SPIDR: variants seen among roughly 807,000 people sequenced by gnomAD.
SPIDR encodes scaffold protein involved in DNA repair.
Under a neutral mutation model 104.6 loss-of-function variants are expected in SPIDR, and 93 were observed. The observed-to-expected ratio is 0.89, with a 90% confidence interval of 0.75 to 1.06. The LOEUF (loss-of-function observed/expected upper bound fraction) is 1.06. SPIDR is among the 50% of genes least tolerant of loss of function. SPIDR has a pLI of 0.00. For missense variants in SPIDR, 1,154 were observed against 1,111.2 expected (o/e 1.04, Z -0.55); for synonymous variants, 431 against 416.9 (o/e 1.03, Z -0.41).
Position 47,712,645 on chromosome 8 carries a change from G to T in SPIDR, c.1978-17G>T, listed in dbSNP as rs767208391. 4 of 1,608,324 alleles carry T rather than the reference G, an allele frequency of 2.5e-6. No homozygotes were observed. Among genetic ancestry groups the T allele is most frequent in the South Asian group, 1.1e-5 (1 of 90,558 alleles). On this transcript the variant is annotated splice_polypyrimidine_tract_variant and intron_variant, in intron 14 of 19. Transcript: ENST00000297423. Reference sequence around the variant, plus strand: ...TTTGGTATAATAATTAATCTTTATTGTGTCTTCAAATTGTAGCTGAAGAGT... The same window carrying T: ...TTTGGTATAATAATTAATCTTTATTTTGTCTTCAAATTGTAGCTGAAGAGT...
At chr8:47,649,725 A>G (rs1027854322) in intron 10 of SPIDR, among the ~76,000 whole-genome samples, 2 of 152,198 alleles carry the variant, frequency 1.3e-5, no homozygotes, top group Non-Finnish European at 2.9e-5. Flanking sequence ...AATTCAGGGG[A>G]AAAAAACATG....
At chr8:47,459,187 ATCTT>A in intron 8 of SPIDR, among the ~76,000 whole-genome samples, 3 of 152,042 alleles carry the variant, frequency 2.0e-5, no homozygotes, top group African/African-American at 4.8e-5. Flanking sequence ...CTCTTTCTCT[ATCTT>A]GTGTAATAGT....
intron 7 of SPIDR, among the ~76,000 whole-genome samples, chr8:47,424,380 C>T (rs1260573175): frequency 6.6e-6 from 1 of 152,204 alleles, no homozygotes; most frequent in African/African-American, 2.4e-5. Flanking sequence ...TCACAATTCA[C>T]TGCAGCCTTA....
chr8:47,700,162 T>A (rs1432058437), intron 11 of SPIDR, among the ~76,000 whole-genome samples: 3 of 152,232 alleles, frequency 2.0e-5, no homozygotes, highest in Non-Finnish European at 4.4e-5. Flanking sequence ...AGTGACCGTA[T>A]ACTATTTCAC....
At chr8:47,619,843 A>G (rs1368494455) in intron 10 of SPIDR, among the ~76,000 whole-genome samples, 1 of 152,120 alleles carries the variant, frequency 6.6e-6, no homozygotes, top group African/African-American at 2.4e-5. Flanking sequence ...GTTACAAAAT[A>G]ATTTTAGCCA....
chr8:47,445,404 G>T (rs1554700815), intron 8 of SPIDR, among the ~76,000 whole-genome samples: 1 of 152,182 alleles, frequency 6.6e-6, no homozygotes, highest in African/African-American at 2.4e-5. Context: ...TAAATACTGT[G>T]TGTGCTCTAA....
chr8:47,642,886 C>CTAAA (rs1371540045), intron 10 of SPIDR, among the ~76,000 whole-genome samples: 2 of 151,952 alleles, frequency 1.3e-5, no homozygotes, highest in African/African-American at 4.8e-5. Flanking sequence ...GACCCTGTCT[C>CTAAA]TAAATAAATA....
chr8:47,715,964 C>CT (rs965625857), intron 16 of SPIDR, among the ~76,000 whole-genome samples: 5,808 of 127,060 alleles, frequency 0.046, 394 homozygotes, highest in African/African-American at 0.13. Flanking sequence ...TCTCTTTTTT[C>CT]TTTTTTTTTT....
At chr8:47,591,937 A>G (rs2061065165) in intron 8 of SPIDR, among the ~76,000 whole-genome samples, 1 of 152,206 alleles carries the variant, frequency 6.6e-6, no homozygotes, top group Admixed American at 6.5e-5. Context: ...AATCCAGATG[A>G]TACTTCTAGC....
At chr8:47,465,982 A>C (rs2074711588) in intron 8 of SPIDR, among the ~76,000 whole-genome samples, 1 of 152,126 alleles carries the variant, frequency 6.6e-6, no homozygotes, top group Non-Finnish European at 1.5e-5. Flanking sequence ...AACTCCCCTA[A>C]ATATATATAC....
At chr8:47,536,185 G>A (rs2154386533) in intron 8 of SPIDR, among the ~76,000 whole-genome samples, 1 of 152,086 alleles carries the variant, frequency 6.6e-6, no homozygotes, top group Non-Finnish European at 1.5e-5. Context: ...TCATAGATAA[G>A]AAGACTCAAT....
chr8:47,386,974 T>C (rs1292650210), intron 5 of SPIDR, among the ~76,000 whole-genome samples: 3 of 150,886 alleles, frequency 2.0e-5, no homozygotes, highest in South Asian at 2.1e-4. Flanking sequence ...GATACAGATA[T>C]AGATTGAACT....
At chr8:47,275,785 T>C (rs2036304779) in intron 1 of SPIDR, among the ~76,000 whole-genome samples, 1 of 152,206 alleles carries the variant, frequency 6.6e-6, no homozygotes, top group African/African-American at 2.4e-5. Context: ...TGTGGATGAA[T>C]AGACCATGAT....
intron 5 of SPIDR, among the ~76,000 whole-genome samples, chr8:47,320,504 A>T (rs2046342207): frequency 6.6e-6 from 1 of 152,236 alleles, no homozygotes; most frequent in Admixed American, 6.5e-5. Flanking sequence ...TTACAGCCGA[A>T]TTCTACCAGA....
chr8:47,396,228 A>T (rs2061231995), intron 5 of SPIDR, 148 bp from the exon 6 acceptor site: 1 of 694,006 alleles, frequency 1.4e-6, no homozygotes, highest in Non-Finnish European at 2.3e-6. Context: ...TTGTCAGAAC[A>T]GAAGTTAAAG....
At chr8:47,447,173 T>C (rs981643014) in intron 8 of SPIDR, among the ~76,000 whole-genome samples, 4 of 152,148 alleles carry the variant, frequency 2.6e-5, no homozygotes, top group African/African-American at 7.2e-5. Flanking sequence ...GGATGAGGAG[T>C]TGGTTCTTAT....
At chr8:47,300,471 T>C (rs1228146581) in intron 5 of SPIDR, among the ~76,000 whole-genome samples, 2 of 152,216 alleles carry the variant, frequency 1.3e-5, no homozygotes, top group Non-Finnish European at 2.9e-5. Flanking sequence ...ACTCTGATCT[T>C]ATTTCTTGCC....
chr8:47,580,207 T>C (rs901607742), intron 8 of SPIDR, among the ~76,000 whole-genome samples: 2 of 152,214 alleles, frequency 1.3e-5, no homozygotes, highest in African/African-American at 4.8e-5. Context: ...ATTGTGATTC[T>C]TTTTAATATT....
chr8:47,591,791 AAAAT>A (rs982023963), intron 8 of SPIDR, among the ~76,000 whole-genome samples: 22 of 152,112 alleles, frequency 1.4e-4, no homozygotes, highest in Non-Finnish European at 2.4e-4. Flanking sequence ...CAAAAAAAAT[AAAAT>A]AAAGAAAAAC....
Sources: gnomAD v4.1 joint callset for allele counts (sites outside exome capture counted in the v4.1 genomes callset) on GRCh38, gnomAD v4.1.1 for gene constraint, MANE v1.5 for transcripts, NCBI Gene and HGNC (gene_info 2026-07-23, HGNC 2026-07-21) for gene names.